Variants in LINGO2 observed in about 807,000 individuals in gnomAD.
LINGO2 encodes the protein leucine-rich repeat and immunoglobulin-like domain-containing nogo receptor-interacting protein 2.
LINGO2 carries 14 observed loss-of-function variants against 30.6 expected under a neutral mutation model. That is an observed-to-expected ratio of 0.46 (90% CI 0.30 to 0.72). The LOEUF (loss-of-function observed/expected upper bound fraction) is 0.72, where lower values mean the gene tolerates loss of function less well. LINGO2 is among the 30% of genes least tolerant of loss of function. LINGO2 has a pLI of 0.07. For synonymous variants in LINGO2, 317 were observed against 288.5 expected, an observed-to-expected ratio of 1.10 and a Z score of -1.00; for missense variants, 729 against 751.7, an observed-to-expected ratio of 0.97 and a Z score of 0.35.
At chr9:28,858,758 C>T in the LINGO2 span, among the ~76,000 whole-genome samples, 9 of 151,926 alleles carry the variant, frequency 5.9e-5, no homozygotes, top group Admixed American at 5.9e-4. Context: ...ATGATAAACC[C>T]CAGATAAAAC....
At chr9:29,047,355 G>A in the LINGO2 span, among the ~76,000 whole-genome samples, 1 of 152,070 alleles carries the variant, frequency 6.6e-6, no homozygotes, top group Non-Finnish European at 1.5e-5. Flanking sequence ...ACAATGAGAT[G>A]CCATCTCACA....
chr9:28,229,068 A>G lies in LINGO2; in HGVS notation c.-87+66140T>C, dbSNP rs983058463. Among the ~76,000 whole-genome samples, 4 of 151,972 alleles carry G rather than the reference A, an allele frequency of 2.6e-5. No individual in the cohort carries two copies. In the East Asian group the frequency reaches 7.7e-4, roughly 29 times the overall value. ...GATACACACTAAAACCTAAAGCATT[A>G]TGGAACAAAGGTCATTCTCTTCTGA... On this transcript the variant is annotated intron_variant, in intron 4 of 5. Coordinates refer to ENST00000379992, the Ensembl canonical transcript of LINGO2.
chr9:28,295,506 T>C (rs1823891157), intron 3 of LINGO2, 140 bp from the exon 6 acceptor site: 4 of 152,532 alleles, frequency 2.6e-5, no homozygotes. Flanking sequence ...AAGATGCTGA[T>C]AAACATTAAA....
intron 2 of LINGO2, among the ~76,000 whole-genome samples, chr9:28,446,368 G>C (rs190875182): frequency 1.2e-3 from 184 of 152,254 alleles, no homozygotes; most frequent in Admixed American, 6.4e-3. Flanking sequence ...TGGAATGCTT[G>C]GCCATTTTAA....
the LINGO2 span, among the ~76,000 whole-genome samples, chr9:29,026,032 TTTTTC>T: frequency 2.0e-5 from 3 of 152,078 alleles, no homozygotes; most frequent in Non-Finnish European, 4.4e-5. Context: ...TTGCTTTTCT[TTTTTC>T]TTTTCTTTTT....
At chr9:28,793,561 C>G in the LINGO2 span, among the ~76,000 whole-genome samples, 1 of 152,116 alleles carries the variant, frequency 6.6e-6, no homozygotes, top group Admixed American at 6.6e-5. Context: ...AATGGTAGAG[C>G]CTTATGGTTT....
At chr9:28,711,774 T>G in the LINGO2 span, among the ~76,000 whole-genome samples, 1 of 152,156 alleles carries the variant, frequency 6.6e-6, no homozygotes, top group African/African-American at 2.4e-5. Context: ...ATACAGCTTT[T>G]TTGATAATTA....
intron 1 of LINGO2, among the ~76,000 whole-genome samples, chr9:28,646,646 G>A (rs1827855645): frequency 6.6e-6 from 1 of 151,978 alleles, no homozygotes; most frequent in South Asian, 2.1e-4. Flanking sequence ...ACTGTTGAAG[G>A]GAGAAGATAT....
intron 4 of LINGO2, among the ~76,000 whole-genome samples, chr9:28,155,202 T>C (rs760808001): frequency 4.6e-5 from 7 of 152,240 alleles, no homozygotes; most frequent in Non-Finnish European, 7.3e-5. Context: ...TCCAATTCTT[T>C]TATGCTTAGA....
rs576365966 is a variant in LINGO2 at position 28,033,349 on chromosome 9, G to A, written c.-86-20944C>T. ...GTACCCTCCGAAATGGGAGCATGTT[G>A]GAGACACTGTGGCAATGCTAGGGAG... On this transcript the variant is annotated intron_variant, in intron 4 of 5. Transcript: ENST00000379992. Among the ~76,000 whole-genome samples, 7 of 152,280 alleles carry A rather than the reference G, an allele frequency of 4.6e-5. No homozygotes were observed. The South Asian group carries it at 1.2e-3, about 27-fold the overall frequency.
Position 27,962,841 on chromosome 9 carries a change from G to T in LINGO2, c.-35-12135C>A, listed in dbSNP as rs539091849. 3.9e-5 allele frequency among the ~76,000 whole-genome samples: 6 copies of T among 152,268 alleles called. No individual in the cohort carries two copies. In the South Asian group the frequency reaches 1.2e-3, roughly 32 times the overall value. On this transcript the variant is annotated intron_variant, in intron 5 of 5. Coordinates refer to ENST00000379992, the Ensembl canonical transcript of LINGO2. ...AGGAAGCTAAAATCTATAGGGAGTT[G>T]ACTAGGGCCTTTCCATTAATTCTGA...
chr9:28,420,056 A>C (rs1298625864), intron 2 of LINGO2, among the ~76,000 whole-genome samples: 2 of 152,124 alleles, frequency 1.3e-5, no homozygotes, highest in Non-Finnish European at 2.9e-5. Flanking sequence ...CATTGCCTCA[A>C]CTGAGGAAGA....
At position 28,196,878 on chromosome 9, in the gene LINGO2, A is replaced by T. The variant is rs551777288; in HGVS notation, c.-87+98330T>A. ...TCAAATGGAGATAAAGGGTAGAATG[A>T]TGGCTTCCAGAGGCCAGGATGGGAA... On this transcript the variant is annotated intron_variant, in intron 4 of 5. Transcript: ENST00000379992. Among the ~76,000 whole-genome samples, 5 of 152,120 alleles carry T rather than the reference A, an allele frequency of 3.3e-5. No homozygotes were observed. The South Asian group carries it at 1.0e-3, about 31-fold the overall frequency.
chr9:28,527,455 T>A (rs940459488), intron 1 of LINGO2, among the ~76,000 whole-genome samples: 1 of 152,178 alleles, frequency 6.6e-6, no homozygotes, highest in South Asian at 2.1e-4. Context: ...TGATCATATG[T>A]GGCTTCTGCA....
the LINGO2 span, among the ~76,000 whole-genome samples, chr9:29,036,081 T>C: frequency 6.6e-6 from 1 of 152,054 alleles, no homozygotes; most frequent in African/African-American, 2.4e-5. Flanking sequence ...TTTTAGACGC[T>C]TGCAACACCA....
At chr9:28,309,583 A>T (rs1480311708) in intron 3 of LINGO2, among the ~76,000 whole-genome samples, 4 of 152,052 alleles carry the variant, frequency 2.6e-5, no homozygotes, top group Non-Finnish European at 2.9e-5. Context: ...AAAGTATAAT[A>T]ATAATAAAAA....
chr9:28,475,035 C>T (rs1825675584), intron 2 of LINGO2, among the ~76,000 whole-genome samples: 1 of 151,966 alleles, frequency 6.6e-6, no homozygotes, highest in Non-Finnish European at 1.5e-5. Context: ...AATAAACTGA[C>T]TCTTAACCCA....
the LINGO2 span, among the ~76,000 whole-genome samples, chr9:28,751,309 A>AAAT: frequency 2.0e-5 from 3 of 148,040 alleles, no homozygotes; most frequent in Non-Finnish European, 3.0e-5. Flanking sequence ...AAAAAAAAAA[A>AAAT]GGGAAGAATT....
upstream of LINGO2, among the ~76,000 whole-genome samples, chr9:28,674,890 A>G (rs546993803): frequency 5.5e-4 from 84 of 152,290 alleles, 1 homozygote; most frequent in Admixed American, 4.4e-3. Flanking sequence ...CTGAAGCTCC[A>G]TTAATATTTT....
Sources: gnomAD v4.1 joint callset for allele counts (sites outside exome capture counted in the v4.1 genomes callset) on GRCh38, gnomAD v4.1.1 for gene constraint, MANE v1.5 for transcripts, NCBI Gene and HGNC (gene_info 2026-07-23, HGNC 2026-07-21) for gene names.